ACSS3: variants seen among roughly 807,000 people sequenced by gnomAD.
ACSS3 encodes the protein acyl-CoA synthetase short chain family member 3.
In ACSS3, 64 loss-of-function variants were observed where a neutral mutation model predicts 84.2. That is an observed-to-expected ratio of 0.76 (90% CI 0.62 to 0.94). The LOEUF is 0.94. Among genes scored for constraint, ACSS3 ranks in the 40% least tolerant of loss-of-function variants. The pLI is 0.00. For missense variants in ACSS3, 815 were observed against 867.6 expected (o/e 0.94, Z 0.76); for synonymous variants, 317 against 310.1 (o/e 1.02, Z -0.23).
intron 11 of ACSS3, among the ~76,000 whole-genome samples, chr12:81,230,022 C>T (rs542946199): frequency 6.6e-5 from 10 of 151,862 alleles, no homozygotes; most frequent in East Asian, 5.8e-4. Context: ...CTGTCAGACC[C>T]GAAAATCCTG....
intron 9 of ACSS3, among the ~76,000 whole-genome samples, chr12:81,216,447 C>T (rs138728279): frequency 4.6e-5 from 7 of 152,116 alleles, no homozygotes; most frequent in African/African-American, 1.4e-4. Context: ...TTACTTATTC[C>T]GGAGAATGAG....
intron 8 of ACSS3, among the ~76,000 whole-genome samples, chr12:81,189,617 T>C (rs962737468): frequency 2.0e-5 from 3 of 152,154 alleles, no homozygotes; most frequent in African/African-American, 4.8e-5. Context: ...TACTGACTTA[T>C]ATGTATTATA....
chr12:81,220,392 T>C (rs1179377347), intron 11 of ACSS3, among the ~76,000 whole-genome samples: 1 of 152,102 alleles, frequency 6.6e-6, no homozygotes, highest in Admixed American at 6.6e-5. Flanking sequence ...AAAGTTCCTG[T>C]ACTCTCACCT....
chr12:81,140,107 C>T (rs922596548), intron 4 of ACSS3, among the ~76,000 whole-genome samples: 1 of 152,176 alleles, frequency 6.6e-6, no homozygotes, highest in Non-Finnish European at 1.5e-5. Context: ...CTCAGCTATA[C>T]TGACTCTTGG....
chr12:81,172,519 C>T (rs2135813887), intron 7 of ACSS3, among the ~76,000 whole-genome samples: 1 of 150,218 alleles, frequency 6.7e-6, no homozygotes, highest in Non-Finnish European at 1.5e-5. Context: ...ACCTGTAGTC[C>T]CAGCTACTCG....
intron 4 of ACSS3, among the ~76,000 whole-genome samples, chr12:81,142,297 A>C (rs1886131669): frequency 6.6e-6 from 1 of 152,214 alleles, no homozygotes. Context: ...TCTAAGAAAA[A>C]AACTAGGCTT....
At chr12:81,240,035 C>A (rs528872170) in intron 13 of ACSS3, among the ~76,000 whole-genome samples, 11 of 151,296 alleles carry the variant, frequency 7.3e-5, no homozygotes, top group Non-Finnish European at 1.6e-4. Flanking sequence ...TTTTCTTATT[C>A]TTAATTATTA....
chr12:81,225,134 A>G (rs559677109), intron 11 of ACSS3, among the ~76,000 whole-genome samples: 1 of 151,684 alleles, frequency 6.6e-6, no homozygotes, highest in Non-Finnish European at 1.5e-5. Context: ...AACATATTCC[A>G]TGTAGATAAA....
intron 2 of ACSS3, among the ~76,000 whole-genome samples, chr12:81,127,985 T>A (rs1263530367): frequency 6.6e-6 from 1 of 152,146 alleles, no homozygotes; most frequent in Non-Finnish European, 1.5e-5. Flanking sequence ...AACATAAAAT[T>A]TTTTATTAAT....
intron 3 of ACSS3, among the ~76,000 whole-genome samples, chr12:81,136,696 G>A (rs1885819889): frequency 6.6e-6 from 1 of 152,134 alleles, no homozygotes. Flanking sequence ...GGTGAGAGAA[G>A]GTGAGCTTGC....
intron 9 of ACSS3, among the ~76,000 whole-genome samples, chr12:81,216,296 G>C (rs912552651): frequency 1.1e-3 from 170 of 150,564 alleles, no homozygotes; most frequent in African/African-American, 4.1e-3. Context: ...ACCGGGGACT[G>C]TTGTGGGGTT....
At chr12:81,098,412 TG>T (rs1435322557) in intron 1 of ACSS3, among the ~76,000 whole-genome samples, 1 of 152,204 alleles carries the variant, frequency 6.6e-6, no homozygotes, top group Non-Finnish European at 1.5e-5. Flanking sequence ...ATGATGTTTT[TG>T]TGACCAGAAA....
chr12:81,214,273 G>A (rs982563371), intron 9 of ACSS3, among the ~76,000 whole-genome samples: 2 of 151,898 alleles, frequency 1.3e-5, no homozygotes, highest in African/African-American at 4.8e-5. Context: ...TGATCCACCA[G>A]CCTCGGCCTC....
chr12:81,241,042 G>A (rs1275981045), intron 13 of ACSS3, among the ~76,000 whole-genome samples: 1 of 133,730 alleles, frequency 7.5e-6, no homozygotes, highest in East Asian at 2.2e-4. Context: ...GCATCCATGT[G>A]TTCTCATTGT....
In ACSS3 at chr12:81,112,360, T is replaced by C. The variant is rs570065525; in HGVS notation, c.456+2656T>C. Among the ~76,000 whole-genome samples, 10 of 152,326 alleles carry C rather than the reference T, an allele frequency of 6.6e-5. No individual in the cohort carries two copies. The South Asian group carries it at 2.1e-3, about 32-fold the overall frequency. ...TCAGGGAAAAAGCTTTAGAGAAACC[T>C]AAAATAAGAAGAATTGTTGACATTC... On this transcript the variant is annotated intron_variant, in intron 2 of 15. Transcript: ENST00000548058.
chr12:81,175,001 C>CATT, intron 8 of ACSS3, 62 bp downstream of exon 8: 1 of 1,551,182 alleles, frequency 6.4e-7, no homozygotes, highest in South Asian at 1.2e-5. Flanking sequence ...AATAAGTGAA[C>CATT]ATTATTTTTT....
At chr12:81,235,184 TTCTC>T (rs1565736315) in intron 13 of ACSS3, among the ~76,000 whole-genome samples, 1 of 151,526 alleles carries the variant, frequency 6.6e-6, no homozygotes, top group East Asian at 1.9e-4. Flanking sequence ...AAGCTGCCCT[TTCTC>T]TATTGAATTG....
Position 81,255,014 on chromosome 12 carries a change from G to A in ACSS3, c.*92G>A. On this transcript the variant is annotated 3_prime_UTR_variant, in exon 16 of 16. Transcript: ENST00000548058. ...TTTCTCAGAAATAAATATTTCAGTA[G>A]AAATTACTTGCAAAATGAAATGTGA... 8.7e-7 allele frequency: 1 copy of A among 1,147,112 alleles called. No homozygotes were observed. Among genetic ancestry groups the A allele is most frequent in the African/African-American group, 1.6e-5 (1 of 62,450 alleles). 71.1% of individuals were successfully genotyped at this position (1,147,112 alleles called of 1,614,324 possible).
At chr12:81,088,385 C>A (rs977726540) in intron 1 of ACSS3, among the ~76,000 whole-genome samples, 2 of 151,992 alleles carry the variant, frequency 1.3e-5, no homozygotes, top group Non-Finnish European at 2.9e-5. Context: ...AACTTTATGA[C>A]TGTTGGGATA....
Sources: gnomAD v4.1 joint callset for allele counts (sites outside exome capture counted in the v4.1 genomes callset) on GRCh38, gnomAD v4.1.1 for gene constraint, MANE v1.5 for transcripts, NCBI Gene and HGNC (gene_info 2026-07-23, HGNC 2026-07-21) for gene names.